Variants in TMEM135 observed in about 807,000 individuals in gnomAD.
TMEM135 encodes transmembrane protein 135.
In TMEM135, 30 loss-of-function variants were observed where a neutral mutation model predicts 60.3. The ratio of observed to expected loss-of-function variants is 0.50; its 90% CI spans 0.37 to 0.68. The LOEUF (loss-of-function observed/expected upper bound fraction) is 0.68. TMEM135 is among the 30% of genes least tolerant of loss of function. TMEM135 has a pLI of 0.00. For synonymous variants in TMEM135, 190 were observed against 186.7 expected (o/e 1.02, Z -0.14); for missense variants, 468 against 548.8 (o/e 0.85, Z 1.47).
At chr11:87,264,919 A>G (rs1462052566) in intron 6 of TMEM135, among the ~76,000 whole-genome samples, 1 of 151,940 alleles carries the variant, frequency 6.6e-6, no homozygotes, top group Non-Finnish European at 1.5e-5. Flanking sequence ...TTGAAATGTC[A>G]TGAGATGGGT....
chr11:87,247,262 A>G (rs904159491), intron 6 of TMEM135, among the ~76,000 whole-genome samples: 16 of 152,048 alleles, frequency 1.1e-4, no homozygotes, highest in Non-Finnish European at 1.2e-4. Context: ...GTCTGCCCCT[A>G]CTGGGGGATG....
intron 1 of TMEM135, among the ~76,000 whole-genome samples, chr11:87,056,670 G>A (rs555006288): frequency 1.4e-4 from 21 of 152,262 alleles, no homozygotes; most frequent in African/African-American, 4.1e-4. Context: ...TAGTGAGGCA[G>A]TTGTTATTTT....
chr11:87,097,869 A>T (rs1459621634), intron 4 of TMEM135, among the ~76,000 whole-genome samples: 2 of 152,104 alleles, frequency 1.3e-5, no homozygotes, highest in African/African-American at 4.8e-5. Context: ...AGTAACAGTC[A>T]CCCTTCATGT....
chr11:87,117,299 T>A (rs1218476241), intron 4 of TMEM135, among the ~76,000 whole-genome samples: 1 of 152,190 alleles, frequency 6.6e-6, no homozygotes, highest in African/African-American at 2.4e-5. Flanking sequence ...GCCAATTTTT[T>A]AATATAAGAC....
intron 6 of TMEM135, among the ~76,000 whole-genome samples, chr11:87,238,569 G>T (rs1941058530): frequency 6.6e-6 from 1 of 151,948 alleles, no homozygotes. Context: ...TACTGTATCT[G>T]CATATGCAAT....
chr11:87,302,258 T>G (rs1942461582), intron 7 of TMEM135, 38 bp from the exon 8 acceptor site: 1 of 1,606,188 alleles, frequency 6.2e-7, no homozygotes, highest in South Asian at 1.1e-5. Flanking sequence ...TGACTATTTT[T>G]AAGTGAAAAA....
chr11:87,088,605 A>G (rs1409242987), intron 3 of TMEM135, among the ~76,000 whole-genome samples: 2 of 152,214 alleles, frequency 1.3e-5, no homozygotes, highest in African/African-American at 2.4e-5. Context: ...TAAGTTTTCT[A>G]TTAGTTCGGT....
intron 4 of TMEM135, among the ~76,000 whole-genome samples, chr11:87,111,277 G>C (rs559934032): frequency 6.6e-6 from 1 of 152,034 alleles, no homozygotes; most frequent in South Asian, 2.1e-4. Flanking sequence ...TTTAATATAT[G>C]GGTTTTCTGT....
intron 3 of TMEM135, among the ~76,000 whole-genome samples, chr11:87,077,425 G>A (rs1856897509): frequency 6.6e-6 from 1 of 152,124 alleles, no homozygotes; most frequent in African/African-American, 2.4e-5. Context: ...TTCAGTTTTT[G>A]GCTGCTCCAT....
At chr11:87,319,698 A>G (rs1942789451) in intron 14 of TMEM135, among the ~76,000 whole-genome samples, 1 of 151,864 alleles carries the variant, frequency 6.6e-6, no homozygotes. Flanking sequence ...TTCATTAAAG[A>G]TCATCTCCAC....
intron 4 of TMEM135, among the ~76,000 whole-genome samples, chr11:87,112,409 C>G (rs1288880644): frequency 6.6e-6 from 1 of 152,082 alleles, no homozygotes; most frequent in Non-Finnish European, 1.5e-5. Context: ...CTCTGGTCAT[C>G]AACCGTATTT....
chr11:87,084,059 G>T (rs1172825879), intron 3 of TMEM135, among the ~76,000 whole-genome samples: 1 of 151,966 alleles, frequency 6.6e-6, no homozygotes, highest in Non-Finnish European at 1.5e-5. Context: ...TGTGAAGTGT[G>T]ATATGTAGTA....
chr11:87,074,907 T>C (rs968847817), intron 3 of TMEM135, among the ~76,000 whole-genome samples: 1 of 152,186 alleles, frequency 6.6e-6, no homozygotes, highest in African/African-American at 2.4e-5. Flanking sequence ...TCAAGGTTGA[T>C]GTGTGTTGAT....
intron 6 of TMEM135, among the ~76,000 whole-genome samples, chr11:87,277,977 G>A (rs190844104): frequency 1.6e-4 from 24 of 152,232 alleles, no homozygotes; most frequent in Non-Finnish European, 2.2e-4. Context: ...CCCTTGTAAT[G>A]CATAGCTATG....
At chr11:87,043,763 T>C (rs1949771680) in intron 1 of TMEM135, among the ~76,000 whole-genome samples, 1 of 151,962 alleles carries the variant, frequency 6.6e-6, no homozygotes, top group African/African-American at 2.4e-5. Context: ...GTTTAACCCC[T>C]AGACTACCAC....
intron 3 of TMEM135, among the ~76,000 whole-genome samples, chr11:87,077,384 C>T: frequency 6.6e-6 from 1 of 152,218 alleles, no homozygotes; most frequent in East Asian, 1.9e-4. Flanking sequence ...GTTTGTTAAA[C>T]ATTCACTTGT....
Position 87,061,067 on chromosome 11 carries a change from G to T in TMEM135, c.142-6627G>T, listed in dbSNP as rs1806666. ...AGGATTTTTCATAGAAATAGTTGTG[G>T]GGTAAAGATTGTTATGAAATTAAAT... On this transcript the variant is annotated intron_variant, in intron 1 of 14. Coordinates refer to ENST00000305494, the MANE Select transcript of TMEM135 (RefSeq NM_022918.4). Among the ~76,000 whole-genome samples, 1,285 of 152,236 alleles carry T rather than the reference G, an allele frequency of 8.4e-3. 23 individuals are homozygous for T. The highest frequency in any genetic ancestry group is 0.029 in the African/African-American group (1,222 of 41,532).
intron 1 of TMEM135, among the ~76,000 whole-genome samples, chr11:87,054,978 C>T (rs1472512623): frequency 6.6e-6 from 1 of 152,150 alleles, no homozygotes; most frequent in Non-Finnish European, 1.5e-5. Flanking sequence ...TCAAATATTA[C>T]ATGTTACCTA....
At chr11:87,272,258 G>C (rs1049676168) in intron 6 of TMEM135, among the ~76,000 whole-genome samples, 10 of 151,450 alleles carry the variant, frequency 6.6e-5, no homozygotes, top group Non-Finnish European at 1.5e-4. Context: ...GTTTCACCAG[G>C]TTGGTCAGAC....
Sources: gnomAD v4.1 joint callset for allele counts (sites outside exome capture counted in the v4.1 genomes callset) on GRCh38, gnomAD v4.1.1 for gene constraint, MANE v1.5 for transcripts, NCBI Gene and HGNC (gene_info 2026-07-23, HGNC 2026-07-21) for gene names.